SV2C: variants seen among roughly 807,000 people sequenced by gnomAD.
SV2C encodes solute carrier family 22 member B3.
Under a neutral mutation model 79.7 loss-of-function variants are expected in SV2C, and 49 were observed. The observed-to-expected ratio is 0.61, with a 90% CI of 0.49 to 0.78. The LOEUF is 0.78. Among genes scored for constraint, SV2C ranks in the 30% least tolerant of loss-of-function variants. The probability of loss-of-function intolerance (pLI) is 0.00; values close to 1 mark genes in which losing one functional copy is unlikely to be tolerated. For synonymous variants in SV2C, 334 were observed against 333.2 expected (o/e 1.00, Z -0.03); for missense variants, 833 against 912.9 (o/e 0.91, Z 1.13).
the SV2C span, chr5:75,920,882 G>A: frequency 1.6e-5 from 12 of 757,064 alleles, no homozygotes; most frequent in South Asian, 1.1e-4. Flanking sequence ...CTGGGTCAGC[G>A]AAGGTCAGGG....
chr5:75,982,987 GGAA>G, the SV2C span, among the ~76,000 whole-genome samples: 1 of 152,062 alleles, frequency 6.6e-6, no homozygotes, highest in East Asian at 1.9e-4. Flanking sequence ...AATAGTTGGA[GGAA>G]GAAGATTAGG....
At chr5:76,219,245 G>C (rs945398383) in intron 4 of SV2C, among the ~76,000 whole-genome samples, 1 of 152,140 alleles carries the variant, frequency 6.6e-6, no homozygotes, top group Non-Finnish European at 1.5e-5. Flanking sequence ...AAGTGATTTG[G>C]TACATTGACT....
In SV2C at chr5:76,333,929, T is replaced by C. The variant is rs1749255031; in HGVS notation, c.*8382T>C. 1.3e-5 allele frequency: 2 copies of C among 151,876 alleles called. No individual in the cohort carries two copies. Among genetic ancestry groups the C allele is most frequent in the South Asian group, 4.2e-4 (2 of 4,804 alleles). The allele number at this position is 151,876 out of a possible 1,614,324, so 9.4% of individuals were successfully genotyped here. A position where few individuals can be genotyped will look rare whatever the true frequency, so the allele number is the denominator to read the frequency against. ...ATATCAGATTAATAAAAGAGCATTT[T>C]TTTTTTGCTCCATTATATTCAAATA... On this transcript the variant is annotated 3_prime_UTR_variant, in exon 13 of 13. Transcript: ENST00000502798.
the SV2C span, among the ~76,000 whole-genome samples, chr5:75,877,598 CAAA>C: frequency 2.3e-5 from 3 of 133,184 alleles, no homozygotes; most frequent in South Asian, 2.2e-4. Flanking sequence ...AAATCAATAG[CAAA>C]AAAAAAAAAA....
At chr5:76,174,160 A>G in intron 2 of SV2C, 1 of 1,612,638 alleles carries the variant, frequency 6.2e-7, no homozygotes, top group Non-Finnish European at 8.5e-7. Flanking sequence ...GTGAGCCAAG[A>G]ACGACTAGCT....
the SV2C span, among the ~76,000 whole-genome samples, chr5:75,997,046 C>T: frequency 4.0e-5 from 6 of 150,090 alleles, no homozygotes; most frequent in South Asian, 1.3e-3. Flanking sequence ...TGAGAGAGGG[C>T]ATCCCTGTCT....
At chr5:76,139,590 G>A (rs1749185061) in intron 2 of SV2C, among the ~76,000 whole-genome samples, 1 of 152,122 alleles carries the variant, frequency 6.6e-6, no homozygotes, top group Non-Finnish European at 1.5e-5. Context: ...GACATATCGG[G>A]TTTCTGAACA....
the SV2C span, among the ~76,000 whole-genome samples, chr5:76,042,654 C>A: frequency 6.6e-6 from 1 of 152,198 alleles, no homozygotes; most frequent in South Asian, 2.1e-4. Flanking sequence ...AAGTGACTCA[C>A]ACTTTCTGTC....
At chr5:76,200,574 C>A (rs1744411400) in intron 3 of SV2C, among the ~76,000 whole-genome samples, 1 of 152,194 alleles carries the variant, frequency 6.6e-6, no homozygotes, top group African/African-American at 2.4e-5. Flanking sequence ...ATTGCTGAAG[C>A]ATCATTAGCA....
chr5:76,109,110 C>T (rs557592039), intron 1 of SV2C, among the ~76,000 whole-genome samples: 1 of 152,284 alleles, frequency 6.6e-6, no homozygotes, highest in African/African-American at 2.4e-5. Flanking sequence ...ATTTCCAAGC[C>T]TTAACTGCTT....
At chr5:76,000,386 G>A in the SV2C span, among the ~76,000 whole-genome samples, 3 of 152,042 alleles carry the variant, frequency 2.0e-5, no homozygotes, top group Admixed American at 6.6e-5. Flanking sequence ...TATTCCCCAC[G>A]TGATTTTTCT....
the SV2C span, among the ~76,000 whole-genome samples, chr5:75,973,170 C>T: frequency 2.7e-4 from 40 of 149,740 alleles, no homozygotes; most frequent in South Asian, 2.5e-3. Flanking sequence ...ACACCGGGGA[C>T]GGTTGTGGGG....
chr5:76,238,395 T>C (rs890395203), intron 4 of SV2C, among the ~76,000 whole-genome samples: 1 of 152,280 alleles, frequency 6.6e-6, no homozygotes, highest in Middle Eastern at 3.4e-3. Flanking sequence ...CCTACATCTC[T>C]AAGGGATTGA....
the SV2C span, among the ~76,000 whole-genome samples, chr5:76,056,026 C>T: frequency 6.6e-6 from 1 of 152,102 alleles, no homozygotes; most frequent in African/African-American, 2.4e-5. Context: ...ACTTCCAATA[C>T]TGTGTTGAAT....
chr5:76,286,571 T>A (rs1199942833), intron 6 of SV2C: 1 of 152,130 alleles, frequency 6.6e-6, no homozygotes, highest in Admixed American at 6.5e-5. Flanking sequence ...AAAACAATTA[T>A]ACTAAGGATC....
At chr5:76,286,711 C>T (rs1747369016) in intron 6 of SV2C, 2 of 152,180 alleles carry the variant, frequency 1.3e-5, no homozygotes, top group Admixed American at 6.5e-5. Flanking sequence ...ACTCACAGTT[C>T]AGCATGGCTG....
intron 8 of SV2C, among the ~76,000 whole-genome samples, chr5:76,293,265 C>G (rs1433379306): frequency 6.6e-6 from 1 of 152,098 alleles, no homozygotes; most frequent in South Asian, 2.1e-4. Context: ...TACTCTGTAC[C>G]TAAGCAAGGG....
the SV2C span, among the ~76,000 whole-genome samples, chr5:76,055,484 C>T: frequency 6.6e-6 from 1 of 152,020 alleles, no homozygotes; most frequent in Non-Finnish European, 1.5e-5. Flanking sequence ...TATACAAGCT[C>T]TTTTTTGGTT....
At chr5:75,956,739 A>T in the SV2C span, among the ~76,000 whole-genome samples, 1 of 151,938 alleles carries the variant, frequency 6.6e-6, no homozygotes, top group Non-Finnish European at 1.5e-5. Flanking sequence ...GTTGATATTC[A>T]TGTGGATGTC....
Sources: gnomAD v4.1 joint callset for allele counts (sites outside exome capture counted in the v4.1 genomes callset) on GRCh38, gnomAD v4.1.1 for gene constraint, MANE v1.5 for transcripts, NCBI Gene and HGNC (gene_info 2026-07-23, HGNC 2026-07-21) for gene names.